Variants in MYDGF observed in about 807,000 individuals in gnomAD.
The protein encoded by MYDGF is myeloid derived growth factor.
MYDGF carries 29 observed loss-of-function variants against 24.2 expected under a neutral mutation model. That is an observed-to-expected ratio of 1.20 (90% CI 0.89 to 1.63). The LOEUF (loss-of-function observed/expected upper bound fraction) is 1.63. MYDGF is among the 40% of genes most tolerant of loss of function. The pLI, the probability that MYDGF is intolerant of heterozygous loss-of-function variation, is 0.00. For synonymous variants in MYDGF, 105 were observed against 102.5 expected, an observed-to-expected ratio of 1.02 and a Z score of -0.15; for missense variants, 245 against 234.8, an observed-to-expected ratio of 1.04 and a Z score of -0.29.
At chr19:4,661,002 C>T (rs1599836321) in intron 3 of MYDGF, among the ~76,000 whole-genome samples, 1 of 138,534 alleles carries the variant, frequency 7.2e-6, no homozygotes, top group Non-Finnish European at 1.5e-5. Flanking sequence ...GAGTCTCACT[C>T]TGTTGCCCAG....
At chr19:4,668,888 G>A (rs934087623) in intron 1 of MYDGF, among the ~76,000 whole-genome samples, 6 of 146,942 alleles carry the variant, frequency 4.1e-5, no homozygotes, top group Non-Finnish European at 8.9e-5. Context: ...TTGTTCTGTC[G>A]CCCAGGCTGA....
rs2088538381 is a variant in MYDGF at position 4,668,611 on chromosome 19, T to G, written c.209A>C (p.Gln70Pro). 6.2e-7 allele frequency: 1 copy of G among 1,613,120 alleles called. No homozygotes were observed. The highest frequency in any genetic ancestry group is 8.5e-7 in the Non-Finnish European group (1 of 1,179,332). The change falls in exon 2 of 6, where the codon CAA becomes CCA. Residue 70 changes from glutamine (Q) to proline (P), a missense_variant. Physicochemically the swap from Gln to Pro is moderately conservative, Grantham distance 76. Coordinates refer to ENST00000262947, the MANE Select transcript of MYDGF (RefSeq NM_019107.4). ...ACAACTCACCTCATTGGTCCCTCCT[T>G]GAGAGGCGTAAGTGAACATACACGT... is the stretch of plus-strand genomic sequence containing the variant. ...KYTCMFTYASQGGTNEQWQMS... is the reference protein window; with the variant it reads ...KYTCMFTYASPGGTNEQWQMS...
At chr19:4,666,203 G>A (rs1356156840) in intron 2 of MYDGF, among the ~76,000 whole-genome samples, 3 of 152,012 alleles carry the variant, frequency 2.0e-5, no homozygotes, top group Admixed American at 6.6e-5. Context: ...CTGGTTAAAC[G>A]GTACTTGGAT....
At chr19:4,663,520 T>C (rs1311186882) in intron 3 of MYDGF, among the ~76,000 whole-genome samples, 22 of 39,852 alleles carry the variant, frequency 5.5e-4, no homozygotes, top group Admixed American at 1.4e-3. Flanking sequence ...ACCCACCCCA[T>C]CCTCATTCTA....
chr19:4,660,837 G>A (rs565952058), intron 3 of MYDGF, 87 bp from the exon 4 acceptor site: 14 of 1,139,852 alleles, frequency 1.2e-5, no homozygotes, highest in East Asian at 2.6e-5. Context: ...CCAGGGACTC[G>A]GGCTGGGGTC....
intron 1 of MYDGF, 81 bp from the exon 2 acceptor site, chr19:4,668,726 A>AG (rs1298416736): frequency 8.1e-7 from 1 of 1,237,076 alleles, no homozygotes; most frequent in African/African-American, 1.5e-5. Context: ...CTGTCACCCA[A>AG]GCTGGAGTGC....
chr19:4,658,787 T>C (rs1480673345), intron 5 of MYDGF, among the ~76,000 whole-genome samples: 1 of 152,164 alleles, frequency 6.6e-6, no homozygotes, highest in African/African-American at 2.4e-5. Context: ...TTTTATTTCA[T>C]TTATTTATTT....
intron 5 of MYDGF, among the ~76,000 whole-genome samples, chr19:4,658,595 C>T (rs4807622): frequency 0.13 from 19,175 of 152,104 alleles, 1,471 homozygotes; most frequent in South Asian, 0.21. Flanking sequence ...ACCCTTGCCC[C>T]AGCTCGGCGC....
chr19:4,660,799 G>C (rs377443824), intron 3 of MYDGF, 49 bp from the exon 4 acceptor site: 26 of 1,544,646 alleles, frequency 1.7e-5, no homozygotes, highest in African/African-American at 8.2e-5. Flanking sequence ...TGCTGGGTCT[G>C]GGTCTGTGTG....
At chr19:4,662,247 C>G (rs1406913599) in intron 3 of MYDGF, among the ~76,000 whole-genome samples, 3 of 152,214 alleles carry the variant, frequency 2.0e-5, no homozygotes, top group African/African-American at 7.2e-5. Context: ...ATCTCTGCCT[C>G]CCATTTGTCA....
At chr19:4,670,058 C>T (rs2088553197) in intron 1 of MYDGF, 103 bp downstream of exon 1, 1 of 1,271,028 alleles carries the variant, frequency 7.9e-7, no homozygotes, top group Non-Finnish European at 1.0e-6. Flanking sequence ...TCAGTACCCA[C>T]CTCCGCGGTC....
chr19:4,666,446 T>C (rs565143695), intron 2 of MYDGF, among the ~76,000 whole-genome samples: 1 of 152,118 alleles, frequency 6.6e-6, no homozygotes, highest in East Asian at 1.9e-4. Flanking sequence ...CTGCTAACTT[T>C]TGTATTTTCA....
At chr19:4,664,811 C>T (rs780816844) in intron 3 of MYDGF, 65 bp downstream of exon 3, 20 of 1,563,834 alleles carry the variant, frequency 1.3e-5, no homozygotes, top group Non-Finnish European at 1.7e-5. Context: ...CCTTCCAAAG[C>T]AGCTCCTGAG....
intron 3 of MYDGF, among the ~76,000 whole-genome samples, chr19:4,663,104 C>T (rs987042698): frequency 1.3e-5 from 2 of 149,574 alleles, no homozygotes; most frequent in African/African-American, 2.5e-5. Flanking sequence ...CTCCGATCTA[C>T]ATTCCCCACC....
At chr19:4,663,392 AT>A (rs2088488796) in intron 3 of MYDGF, among the ~76,000 whole-genome samples, 1 of 110,188 alleles carries the variant, frequency 9.1e-6, no homozygotes, top group African/African-American at 3.5e-5. Flanking sequence ...CCCCATCCTC[AT>A]TCTACACAGC....
chr19:4,663,934 C>CG (rs2088501013), intron 3 of MYDGF, among the ~76,000 whole-genome samples: 1 of 151,200 alleles, frequency 6.6e-6, no homozygotes, highest in Non-Finnish European at 1.5e-5. Context: ...CTCCTTCAGC[C>CG]GGGGGGATCT....
At chr19:4,669,250 G>A (rs1025997622) in intron 1 of MYDGF, among the ~76,000 whole-genome samples, 1 of 152,166 alleles carries the variant, frequency 6.6e-6, no homozygotes, top group Non-Finnish European at 1.5e-5. Context: ...GAGGTGGGCG[G>A]GTCACCTGCG....
chr19:4,660,239 C>T (rs1312296736), intron 4 of MYDGF, among the ~76,000 whole-genome samples: 2 of 152,162 alleles, frequency 1.3e-5, no homozygotes, highest in Admixed American at 6.6e-5. Context: ...GATCCTCCTG[C>T]TGCGGCCTCC....
At position 4,663,100 on chromosome 19, in the gene MYDGF, T is replaced by C. The variant is rs568721803; in HGVS notation, c.287+1776A>G. Among the ~76,000 whole-genome samples, 3 of 140,572 alleles carry C rather than the reference T, an allele frequency of 2.1e-5. No homozygotes were observed. In the East Asian group the frequency reaches 7.1e-4, roughly 33 times the overall value. The allele number at this position is 140,572 out of a possible 152,430, so 92.2% of individuals were successfully genotyped here. A position where few individuals can be genotyped will look rare whatever the true frequency, so the allele number is the denominator to read the frequency against. Reference sequence around the variant, plus strand: ...TCCATCCTCATTCTACAGCCTCCGATCTACATTCCCCACCCACCTCATCCT... The same window carrying C: ...TCCATCCTCATTCTACAGCCTCCGACCTACATTCCCCACCCACCTCATCCT... On this transcript the variant is annotated intron_variant, in intron 3 of 5. Coordinates refer to ENST00000262947, the MANE Select transcript of MYDGF (RefSeq NM_019107.4).
Sources: gnomAD v4.1 joint callset for allele counts (sites outside exome capture counted in the v4.1 genomes callset) on GRCh38, gnomAD v4.1.1 for gene constraint, MANE v1.5 for transcripts, NCBI Gene and HGNC (gene_info 2026-07-23, HGNC 2026-07-21) for gene names.